The following TMEM230 variants were observed in gnomAD, a reference collection of about 807,000 sequenced individuals.
TMEM230 encodes UPF0414 transmembrane protein C20orf30.
TMEM230 carries 10 observed loss-of-function variants against 15.8 expected under a neutral mutation model. The observed-to-expected ratio is 0.63, with a 90% confidence interval of 0.39 to 1.07. The LOEUF (loss-of-function observed/expected upper bound fraction) is 1.07, where lower values mean the gene tolerates loss of function less well. TMEM230 is among the 50% of genes least tolerant of loss of function. The pLI is 0.01. For synonymous variants in TMEM230, 67 were observed against 76.9 expected, an observed-to-expected ratio of 0.87 and a Z score of 0.68; for missense variants, 165 against 193.3, an observed-to-expected ratio of 0.85 and a Z score of 0.87.
chr20:5,085,990 A>G (rs2089325644), intron 3 of TMEM230, among the ~76,000 whole-genome samples: 1 of 152,180 alleles, frequency 6.6e-6, no homozygotes, highest in South Asian at 2.1e-4. Context: ...TGCCCACGTC[A>G]TGCTTCTTGA....
At chr20:5,101,037 C>T (rs1032959513) in intron 4 of TMEM230, 106 bp from the exon 4 acceptor site, 107 of 1,348,958 alleles carry the variant, frequency 7.9e-5, no homozygotes, top group Non-Finnish European at 1.0e-4. Flanking sequence ...CTCTTCAGTA[C>T]TTTTTCTTTG....
At chr20:5,073,753 C>T (rs6053076) in intron 3 of TMEM230, among the ~76,000 whole-genome samples, 10,025 of 152,268 alleles carry the variant, frequency 0.066, 1,057 homozygotes, top group African/African-American at 0.22. Context: ...CCAAAATATG[C>T]CACATTGGCA....
At chr20:5,098,802 T>C (rs977041047), downstream of TMEM230, among the ~76,000 whole-genome samples, 2 of 151,458 alleles carry the variant, frequency 1.3e-5, no homozygotes, top group East Asian at 1.9e-4. Flanking sequence ...CAAAATAGAA[T>C]TGGGGGGGGG....
chr20:5,069,171 A>T, exon 4 of TMEM230: 1 of 1,515,556 alleles, frequency 6.6e-7, no homozygotes. Flanking sequence ...GCTTATCTCA[A>T]ATTAGAGGCA....
At chr20:5,091,447 G>C (rs1329321151) in intron 3 of TMEM230, among the ~76,000 whole-genome samples, 1 of 152,050 alleles carries the variant, frequency 6.6e-6, no homozygotes, top group Admixed American at 6.6e-5. Flanking sequence ...CTGACCTCAG[G>C]TGATCCACCC....
chr20:5,075,522 T>C (rs137977376), intron 3 of TMEM230, among the ~76,000 whole-genome samples: 7,478 of 151,244 alleles, frequency 0.049, 568 homozygotes, highest in African/African-American at 0.17. Flanking sequence ...GTCAGGAGTT[T>C]GAGACCAGCC....
chr20:5,079,305 T>G (rs1381991780), intron 3 of TMEM230, among the ~76,000 whole-genome samples: 1 of 152,218 alleles, frequency 6.6e-6, no homozygotes, highest in African/African-American at 2.4e-5. Context: ...TCATTTAATA[T>G]CAAAGAGGTT....
intron 3 of TMEM230, among the ~76,000 whole-genome samples, chr20:5,075,543 G>C (rs2088963842): frequency 6.7e-6 from 1 of 148,316 alleles, no homozygotes; most frequent in Non-Finnish European, 1.5e-5. Flanking sequence ...TGGCCAACAT[G>C]GTTAAACCCC....
intron 3 of TMEM230, among the ~76,000 whole-genome samples, chr20:5,093,610 C>G (rs1379936475): frequency 6.6e-6 from 1 of 150,920 alleles, no homozygotes; most frequent in Non-Finnish European, 1.5e-5. Flanking sequence ...CATCTCGGCT[C>G]ACTGCAACCT....
chr20:5,095,256 C>A (rs551845526), downstream of TMEM230, among the ~76,000 whole-genome samples: 38 of 152,136 alleles, frequency 2.5e-4, no homozygotes, highest in African/African-American at 9.2e-4. Flanking sequence ...CAAGCCAGCA[C>A]CTCCAGTGTT....
downstream of TMEM230, among the ~76,000 whole-genome samples, chr20:5,065,285 G>A (rs1278386153): frequency 6.6e-6 from 1 of 152,064 alleles, no homozygotes; most frequent in African/African-American, 2.4e-5. Context: ...CCAATGCATT[G>A]AAATAACCCA....
intron 3 of TMEM230, among the ~76,000 whole-genome samples, chr20:5,077,077 A>G (rs2089026718): frequency 1.3e-5 from 2 of 151,648 alleles, no homozygotes; most frequent in South Asian, 4.2e-4. Flanking sequence ...AGGCCAAGGC[A>G]GGAGGATTGC....
downstream of TMEM230, among the ~76,000 whole-genome samples, chr20:5,065,678 T>C (rs561685975): frequency 2.0e-5 from 3 of 152,186 alleles, no homozygotes; most frequent in Non-Finnish European, 2.9e-5. Context: ...GATAACCGGG[T>C]TAAGGCCAGG....
the TMEM230 span, among the ~76,000 whole-genome samples, chr20:5,062,035 A>G: frequency 1.3e-5 from 2 of 152,072 alleles, no homozygotes; most frequent in African/African-American, 4.8e-5. Flanking sequence ...AGCCTGGCCA[A>G]CATGGTGAAA....
At chr20:5,075,952 T>C (rs2088979517) in intron 3 of TMEM230, among the ~76,000 whole-genome samples, 1 of 151,414 alleles carries the variant, frequency 6.6e-6, no homozygotes, top group Non-Finnish European at 1.5e-5. Context: ...AAAATATATA[T>C]ACAAAAATTA....
chr20:5,072,909 C>T (rs1436100551), intron 3 of TMEM230, among the ~76,000 whole-genome samples: 1 of 143,230 alleles, frequency 7.0e-6, no homozygotes, highest in East Asian at 2.1e-4. Context: ...AGACTGATGA[C>T]TTGAGAAACA....
rs2090076797 is a variant in TMEM230, at chr20:5,106,115, A to ACG, written c.411+72_411+73insCG. 1.0e-5 allele frequency: 15 copies of ACG among 1,506,284 alleles called. 1 individual carries two copies. In the South Asian group the frequency reaches 1.0e-4, roughly 10 times the overall value. 93.3% of individuals were successfully genotyped at this position (1,506,284 alleles called of 1,614,324 possible). ...CACACACACACACACACACACACAC[A>ACG]CACACGCACACTAGAGCCTTGGCTA... On this transcript the variant is annotated intron_variant, in intron 4 of 4. Coordinates refer to ENST00000342308, the MANE Select transcript of TMEM230 (RefSeq NM_001009923.2).
At chr20:5,106,646 A>T (rs2090107050) in intron 3 of TMEM230, among the ~76,000 whole-genome samples, 1 of 152,100 alleles carries the variant, frequency 6.6e-6, no homozygotes, top group Non-Finnish European at 1.5e-5. Flanking sequence ...ACCTCAGGTG[A>T]TCCGCCCGCC....
In TMEM230 at chr20:5,069,439, T is replaced by C. The variant is rs1162494585; in HGVS notation, c.223-90A>G. On this transcript the variant is annotated intron_variant, in intron 3 of 3. Coordinates refer to the TMEM230 transcript ENST00000612323. ...CTAATTGTCAAGAAATCACATCTTA[T>C]GCATTTTGGTGCTCCACAACACTTC... 4.5e-6 allele frequency: 6 copies of C among 1,331,300 alleles called. 1 individual carries two copies. In the South Asian group the frequency reaches 6.0e-5, roughly 13 times the overall value. The allele number at this position is 1,331,300 out of a possible 1,614,324, so 82.5% of individuals were successfully genotyped here.
Sources: gnomAD v4.1 joint callset for allele counts (sites outside exome capture counted in the v4.1 genomes callset) on GRCh38, gnomAD v4.1.1 for gene constraint, MANE v1.5 for transcripts, NCBI Gene and HGNC (gene_info 2026-07-23, HGNC 2026-07-21) for gene names.